Variants in ABLIM2 observed in about 807,000 individuals in gnomAD.
The protein encoded by ABLIM2 is actin-binding LIM protein 2.
Under a neutral mutation model 97.7 loss-of-function variants are expected in ABLIM2, and 53 were observed. The observed-to-expected ratio is 0.54, with a 90% CI of 0.44 to 0.68. ABLIM2 has a LOEUF of 0.68. ABLIM2 is among the 30% of genes least tolerant of loss of function. ABLIM2 has a pLI of 0.00. For synonymous variants in ABLIM2, 361 were observed against 345.8 expected (o/e 1.04, Z -0.49); for missense variants, 835 against 867.2 (o/e 0.96, Z 0.47).
intron 16 of ABLIM2, chr4:7,993,816 G>A (rs927340147): frequency 4.4e-4 from 194 of 444,682 alleles, no homozygotes; most frequent in Non-Finnish European, 9.0e-5. Context: ...GGCAAGGCTC[G>A]CTGGGGCTGT....
chr4:8,091,173 G>A (rs1437757196), intron 3 of ABLIM2, among the ~76,000 whole-genome samples: 1 of 147,020 alleles, frequency 6.8e-6, no homozygotes, highest in African/African-American at 2.5e-5. Context: ...TCGTTCTCAT[G>A]GAGGCGTAAT....
chr4:8,151,323 C>T (rs1444232040), intron 1 of ABLIM2, among the ~76,000 whole-genome samples: 1 of 152,180 alleles, frequency 6.6e-6, no homozygotes. Context: ...TGGCGAGAAG[C>T]CCCAGAGCCA....
In ABLIM2 at chr4:8,075,080, G is replaced by A. The variant is rs1040189419; in HGVS notation, c.675+2548C>T. 1.3e-5 allele frequency among the ~76,000 whole-genome samples: 2 copies of A among 152,136 alleles called. No homozygotes were observed. Among genetic ancestry groups the A allele is most frequent in the Admixed American group, 6.6e-5 (1 of 15,264 alleles). ...ATTACAGGCATGAGCCACCGCTCCCGGCCCAGCCTGACAATTCTGAGAGTC... is the reference window on the plus strand; with the variant it reads ...ATTACAGGCATGAGCCACCGCTCCCAGCCCAGCCTGACAATTCTGAGAGTC... On this transcript the variant is annotated intron_variant, in intron 6 of 20. Transcript: ENST00000447017. The surrounding 1 kb of genome is among the most constrained non-coding windows in gnomAD (Gnocchi z 4.4).
intron 1 of ABLIM2, among the ~76,000 whole-genome samples, chr4:8,133,012 G>A (rs74956538): frequency 0.021 from 3,196 of 152,174 alleles, 104 homozygotes; most frequent in African/African-American, 0.07. Context: ...CCAGATCAGG[G>A]GTTGTGAGGA....
rs1231231670 is a variant in ABLIM2 at position 8,042,764 on chromosome 4, AG to A, written c.900+2399del. ...TGAGGCAGGAGAATCGCTTGAACCC[AG>A]GGGGTGGAGGTTGCAGTGAGCTGAG... On this transcript the variant is annotated intron_variant, in intron 9 of 20. Transcript: ENST00000447017. Among the ~76,000 whole-genome samples the A allele has an allele frequency of 2.1e-5, 3 of 140,562 alleles. No homozygotes were observed. The East Asian group carries it at 6.2e-4, about 29-fold the overall frequency. The allele number at this position is 140,562 out of a possible 152,430, so 92.2% of individuals were successfully genotyped here.
chr4:8,142,773 T>C lies in ABLIM2; in HGVS notation c.10+15907A>G, dbSNP rs959055534. 3.3e-5 allele frequency among the ~76,000 whole-genome samples: 5 copies of C among 152,218 alleles called. No individual in the cohort carries two copies. In the East Asian group the frequency reaches 9.6e-4, roughly 29 times the overall value. ...GGACAAAGGTGCCACTTCCTGCAAT[T>C]GTGCAGCACCAATTGTCCCCTCTCT... is the stretch of plus-strand genomic sequence containing the variant. On this transcript the variant is annotated intron_variant, in intron 1 of 20. Coordinates refer to ENST00000447017, the MANE Select transcript of ABLIM2 (RefSeq NM_001130083.2).
At chr4:8,100,749 G>GAAA (rs57318831) in intron 2 of ABLIM2, among the ~76,000 whole-genome samples, 4 of 100,206 alleles carry the variant, frequency 4.0e-5, no homozygotes, top group Admixed American at 1.1e-4. Flanking sequence ...TCCATCTCAG[G>GAAA]AAAAAAAAAA....
At position 8,150,386 on chromosome 4, in the gene ABLIM2, C is replaced by T. The variant is rs1712233388; in HGVS notation, c.10+8294G>A. Among the ~76,000 whole-genome samples the T allele has an allele frequency of 6.6e-6, 1 of 152,198 alleles. No homozygotes were observed. Among genetic ancestry groups the T allele is most frequent in the Non-Finnish European group, 1.5e-5 (1 of 68,040 alleles). The stretch of plus-strand genomic sequence containing the variant: ...TGGGTGTTCACGAAATGCCTCCTCT[C>T]ATTCTACCTGAGTGGCTTTCAGGGG... On this transcript the variant is annotated intron_variant, in intron 1 of 20. Transcript: ENST00000447017. The surrounding 1 kb of genome is among the most constrained non-coding windows in gnomAD (Gnocchi z 6.3).
At position 8,127,760 on chromosome 4, in the gene ABLIM2, C is replaced by T; in HGVS notation, c.11-21123G>A. 2.1e-6 allele frequency: 2 copies of T among 964,694 alleles called. No individual in the cohort carries two copies. The highest frequency in any genetic ancestry group is 2.5e-6 in the Non-Finnish European group (2 of 811,388). 59.8% of individuals were successfully genotyped at this position (964,694 alleles called of 1,614,324 possible). On this transcript the variant is annotated intron_variant, in intron 1 of 20. Transcript: ENST00000447017. The surrounding 1 kb of genome is among the most constrained non-coding windows in gnomAD (Gnocchi z 7.3). ...AGGGGCAGAGCCAAGCCCTTCCCGG[C>T]ACACTGAAATAGACTCCCGCCACAC... is the stretch of plus-strand genomic sequence containing the variant.
At chr4:7,972,645 C>G (rs1222473611) in intron 20 of ABLIM2, among the ~76,000 whole-genome samples, 2 of 152,224 alleles carry the variant, frequency 1.3e-5, no homozygotes, top group East Asian at 1.9e-4. Context: ...GTCCTGCTCT[C>G]TGCTGTGGCG....
intron 3 of ABLIM2, among the ~76,000 whole-genome samples, chr4:8,091,802 A>T: frequency 1.2e-5 from 1 of 85,544 alleles, no homozygotes; most frequent in African/African-American, 6.3e-5. Context: ...TAGAATTAAT[A>T]TATTATATAT....
At chr4:7,967,392 A>C (rs897007898) in intron 20 of ABLIM2, among the ~76,000 whole-genome samples, 8 of 152,188 alleles carry the variant, frequency 5.3e-5, no homozygotes, top group Non-Finnish European at 1.0e-4. Context: ...GACCAAGTTC[A>C]TTAACATGTC....
intron 16 of ABLIM2, chr4:7,993,858 G>C: frequency 2.1e-6 from 1 of 473,554 alleles, no homozygotes; most frequent in South Asian, 1.5e-5. Flanking sequence ...AGCCCCCACC[G>C]AGCTCCCTCC....
At position 8,019,127 on chromosome 4, in the gene ABLIM2, CG is replaced by C. The variant is rs957656666; in HGVS notation, c.1423+490del. On this transcript the variant is annotated intron_variant, in intron 14 of 20. Coordinates refer to ENST00000447017, the MANE Select transcript of ABLIM2 (RefSeq NM_001130083.2). The surrounding 1 kb of genome is among the most constrained non-coding windows in gnomAD (Gnocchi z 4.3). ...CCTATTTGCTTATGCAAGAAATCTC[CG>C]TAACGGAAGGCAAGGTCACCCATCC... Among the ~76,000 whole-genome samples the C allele has an allele frequency of 3.9e-5, 6 of 152,178 alleles. No individual in the cohort carries two copies. Among genetic ancestry groups the C allele is most frequent in the Non-Finnish European group, 7.4e-5 (5 of 68,024 alleles).
chr4:8,147,909 G>A lies in ABLIM2; in HGVS notation c.10+10771C>T. On this transcript the variant is annotated intron_variant, in intron 1 of 20. Transcript: ENST00000447017. The surrounding 1 kb of genome is among the most constrained non-coding windows in gnomAD (Gnocchi z 5.3). ...TCTTCCCTGAGCGAGGCACGGACCT[G>A]CACAAAACCCTTTCTTTAATGGGTG... 6.6e-6 allele frequency among the ~76,000 whole-genome samples: 1 copy of A among 152,224 alleles called. No homozygotes were observed.
intron 1 of ABLIM2, among the ~76,000 whole-genome samples, chr4:8,121,575 G>C (rs956295664): frequency 6.6e-6 from 1 of 152,164 alleles, no homozygotes. Context: ...CCCAGGTCAC[G>C]CAGCAAGTCT....
chr4:8,101,517 C>T (rs1834614837), intron 2 of ABLIM2, among the ~76,000 whole-genome samples: 1 of 152,232 alleles, frequency 6.6e-6, no homozygotes, highest in Non-Finnish European at 1.5e-5. Flanking sequence ...TCCCAGACCG[C>T]CTAGAACAGG....
chr4:8,079,509 C>T (rs1006696049), intron 5 of ABLIM2, among the ~76,000 whole-genome samples: 1 of 152,172 alleles, frequency 6.6e-6, no homozygotes, highest in Non-Finnish European at 1.5e-5. Context: ...CGCACAGGTC[C>T]CTCACCCTGG....
chr4:8,118,604 C>T (rs1843826513), intron 1 of ABLIM2, among the ~76,000 whole-genome samples: 1 of 152,186 alleles, frequency 6.6e-6, no homozygotes, highest in African/African-American at 2.4e-5. Context: ...AGAACACAGC[C>T]CAGCCCCTAA....
Sources: allele counts gnomAD v4.1 joint callset (sites outside exome capture counted in the v4.1 genomes callset), GRCh38; gene constraint gnomAD v4.1.1; non-coding constraint Gnocchi (gnomAD v3.1); transcripts MANE v1.5; gene names NCBI Gene and HGNC (gene_info 2026-07-23, HGNC 2026-07-21).